Variants in OSBPL6 observed in about 807,000 individuals in gnomAD.
OSBPL6 encodes the protein oxysterol-binding protein-related protein 6.
In OSBPL6, 49 loss-of-function variants were observed where a neutral mutation model predicts 125.8. The ratio of observed to expected loss-of-function variants is 0.39; its 90% CI spans 0.31 to 0.49. OSBPL6 has a LOEUF of 0.49. Ranked by LOEUF, OSBPL6 falls within the 20% of genes least tolerant of loss-of-function variation. The pLI is 0.88. For missense variants in OSBPL6, 986 were observed against 1,135.4 expected (o/e 0.87, Z 1.89); for synonymous variants, 394 against 391.8 (o/e 1.01, Z -0.07).
Position 178,274,307 on chromosome 2 carries a change from A to ATT in OSBPL6, c.-350-10606_-350-10605dup, listed in dbSNP as rs373465330. Among the ~76,000 whole-genome samples, 53 of 139,942 alleles carry ATT rather than the reference A, an allele frequency of 3.8e-4. 1 individual carries two copies. Among genetic ancestry groups the ATT allele is most frequent in the East Asian group, 2.5e-3 (12 of 4,876 alleles). The allele number at this position is 139,942 out of a possible 152,430, so 91.8% of individuals were successfully genotyped here. ...CTTGAGGCTTATGTGGGCGAGGTCA[A>ATT]TTTTTTTTTTTTTTTGCTCTGTGAT... On this transcript the variant is annotated intron_variant, in intron 1 of 24. Transcript: ENST00000190611.
chr2:178,254,922 TCA>T (rs1261715735), intron 1 of OSBPL6, among the ~76,000 whole-genome samples: 1 of 152,214 alleles, frequency 6.6e-6, no homozygotes, highest in Non-Finnish European at 1.5e-5. Flanking sequence ...TTTAATGGAC[TCA>T]CAGTTTCACA....
intron 1 of OSBPL6, among the ~76,000 whole-genome samples, chr2:178,208,938 C>T (rs1314689291): frequency 1.3e-5 from 2 of 152,122 alleles, no homozygotes; most frequent in East Asian, 3.9e-4. Flanking sequence ...GCCTAAAATT[C>T]AAGGTTGGGA....
chr2:178,268,628 A>G (rs965202326), intron 1 of OSBPL6, among the ~76,000 whole-genome samples: 4 of 152,244 alleles, frequency 2.6e-5, no homozygotes, highest in African/African-American at 9.6e-5. Context: ...ATGGAATTAT[A>G]CAATGGTCCT....
At chr2:178,266,536 G>T (rs1179991300) in intron 1 of OSBPL6, among the ~76,000 whole-genome samples, 1 of 152,202 alleles carries the variant, frequency 6.6e-6, no homozygotes, top group African/African-American at 2.4e-5. Flanking sequence ...TGCTCCGTCT[G>T]TAAGGTGGGC....
intron 5 of OSBPL6, 70 bp from the exon 6 acceptor site, chr2:178,331,482 G>A (rs1317752042): frequency 1.3e-6 from 2 of 1,486,164 alleles, no homozygotes; most frequent in African/African-American, 1.4e-5. Context: ...AGCAACATTA[G>A]ACCCACATTT....
At chr2:178,203,811 A>G (rs142537581) in intron 1 of OSBPL6, among the ~76,000 whole-genome samples, 104 of 152,244 alleles carry the variant, frequency 6.8e-4, no homozygotes, top group African/African-American at 2.2e-3. Context: ...AATTGTTTCC[A>G]TGAACTAGGC....
intron 13 of OSBPL6, among the ~76,000 whole-genome samples, chr2:178,366,939 A>G (rs1392953949): frequency 2.6e-5 from 4 of 152,234 alleles, no homozygotes; most frequent in South Asian, 2.1e-4. Context: ...CTGTAGGTCC[A>G]TGGCTGATAT....
intron 1 of OSBPL6, among the ~76,000 whole-genome samples, chr2:178,274,061 G>T (rs190393121): frequency 3.9e-5 from 6 of 152,232 alleles, no homozygotes; most frequent in Non-Finnish European, 7.4e-5. Flanking sequence ...TTGATTTGCT[G>T]CCCAGGAAAG....
chr2:178,210,817 A>C (rs896738195), intron 1 of OSBPL6, among the ~76,000 whole-genome samples: 1 of 120,456 alleles, frequency 8.3e-6, no homozygotes, highest in African/African-American at 3.9e-5. Context: ...TGTTTCAAAA[A>C]AAAAAAACAC....
intron 1 of OSBPL6, among the ~76,000 whole-genome samples, chr2:178,225,001 CTT>C (rs34799733): frequency 4.9e-4 from 20 of 41,200 alleles, no homozygotes; most frequent in African/African-American, 1.5e-3. Flanking sequence ...CTCTCTCTCT[CTT>C]TCTCTCTCTC....
At chr2:178,344,486 A>T in intron 11 of OSBPL6, 1 of 853,876 alleles carries the variant, frequency 1.2e-6, no homozygotes, top group Middle Eastern at 2.5e-4. Context: ...TCATGGCAGC[A>T]TAGCTTTCAC....
rs1210344392 is a variant in OSBPL6, at chr2:178,394,325, A to C, written c.2586A>C (p.Glu862Asp). The C allele has an allele frequency of 6.2e-7, 1 of 1,612,694 alleles. No homozygotes were observed. Among genetic ancestry groups the C allele is most frequent in the Non-Finnish European group, 8.5e-7 (1 of 1,179,708 alleles). ...GCTTTCTGCTTAGATTTTTGGAAGA[A>C]GGAAATTTAGAAGCTGCAGCATCAG... ...RFRPDQRFLE[E>D]GNLEAAASEK... Residue 862 changes from glutamate to aspartate, a missense_variant, in exon 24 of 25, where the codon GAA (glutamate) becomes GAC (aspartate). This residue lies in a region of OSBPL6 where 843 missense variants were observed against 997.3 expected (regional missense o/e 0.85). Transcript: ENST00000190611.
At chr2:178,247,955 G>A (rs2091553190) in intron 1 of OSBPL6, among the ~76,000 whole-genome samples, 1 of 152,166 alleles carries the variant, frequency 6.6e-6, no homozygotes, top group Admixed American at 6.5e-5. Context: ...ATGCTGAACA[G>A]CTTGAGTCTT....
At chr2:178,302,380 T>G (rs1686372369) in intron 2 of OSBPL6, among the ~76,000 whole-genome samples, 1 of 152,224 alleles carries the variant, frequency 6.6e-6, no homozygotes, top group Admixed American at 6.5e-5. Flanking sequence ...TTAGGCAATT[T>G]CTGAAAATGT....
At position 178,373,947 on chromosome 2, in the gene OSBPL6, C is replaced by A. The variant is rs1269582552; in HGVS notation, c.1453C>A (p.Arg485Ser). The A allele has an allele frequency of 6.2e-7, 1 of 1,613,954 alleles. No homozygotes were observed. The highest frequency in any genetic ancestry group is 1.3e-5 in the African/African-American group (1 of 74,912). The change falls in exon 15 of 25, where the codon CGC becomes AGC. Residue 485 changes from arginine to serine, a missense_variant. Physicochemically the swap from Arg to Ser is moderately radical, Grantham distance 110. Coordinates refer to ENST00000190611, the MANE Select transcript of OSBPL6 (RefSeq NM_032523.4). ...ATCACAGCAAGTAGCCAATGAGAGC[C>A]GCCTCTCCATGTCAGAGTCTGTTTC... is the stretch of plus-strand genomic sequence containing the variant. ...PLSQQVANES[R>S]LSMSESVSEF... is the part of the protein sequence containing the mutation.
chr2:178,249,737 A>T (rs1371450616), intron 1 of OSBPL6, among the ~76,000 whole-genome samples: 1 of 151,820 alleles, frequency 6.6e-6, no homozygotes, highest in Non-Finnish European at 1.5e-5. Context: ...CTTGGTTGTT[A>T]TCAATATGCT....
At chr2:178,317,730 G>T (rs1195652149) in intron 3 of OSBPL6, among the ~76,000 whole-genome samples, 1 of 150,866 alleles carries the variant, frequency 6.6e-6, no homozygotes, top group Non-Finnish European at 1.5e-5. Context: ...GATGTATATG[G>T]ACTTTTTTTT....
rs912558233 is a variant in OSBPL6, at chr2:178,395,804, A to G, written c.*245A>G. 1.3e-5 allele frequency: 6 copies of G among 477,956 alleles called. No individual in the cohort carries two copies. The highest frequency in any genetic ancestry group is 2.1e-5 in the African/African-American group (1 of 47,612). The allele number at this position is 477,956 out of a possible 1,614,324, so 29.6% of individuals were successfully genotyped here. A position where few individuals can be genotyped will look rare whatever the true frequency, so the allele number is the denominator to read the frequency against. The stretch of plus-strand genomic sequence containing the variant: ...AAAAAAAAAAAAAAAAAAAAAATCC[A>G]CACCGTCCTTGGAAAGCAGAATAAA... On this transcript the variant is annotated 3_prime_UTR_variant, in exon 25 of 25. Transcript: ENST00000190611.
At chr2:178,353,925 T>G (rs1382771050) in intron 12 of OSBPL6, among the ~76,000 whole-genome samples, 2 of 152,172 alleles carry the variant, frequency 1.3e-5, no homozygotes, top group Non-Finnish European at 2.9e-5. Context: ...CAGAAGACAG[T>G]GAAGGCCAAT....
Sources: gnomAD v4.1 joint callset for allele counts (sites outside exome capture counted in the v4.1 genomes callset) on GRCh38, gnomAD v4.1.1 for gene constraint, gnomAD v4.1.1 regional missense constraint, MANE v1.5 for transcripts, NCBI Gene and HGNC (gene_info 2026-07-23, HGNC 2026-07-21) for gene names.